Variants in DNAAF1 observed in about 807,000 individuals in gnomAD.
DNAAF1 encodes the protein dynein assembly factor 1, axonemal.
A neutral mutation model predicts 71.1 loss-of-function variants in DNAAF1; 65 were observed. The observed-to-expected ratio is 0.91, with a 90% CI of 0.75 to 1.12. The LOEUF is 1.12. Ranked by LOEUF, DNAAF1 falls within the 50% of genes most tolerant of loss-of-function variation. The pLI, the probability that DNAAF1 is intolerant of heterozygous loss-of-function variation, is 0.00. For missense variants in DNAAF1, 1,178 were observed against 899.8 expected, an observed-to-expected ratio of 1.31 and a Z score of -3.96; for synonymous variants, 414 against 354.6, an observed-to-expected ratio of 1.17 and a Z score of -1.88.
intron 1 of DNAAF1, among the ~76,000 whole-genome samples, chr16:84,147,046 C>A (rs540643010): frequency 6.6e-6 from 1 of 152,170 alleles, no homozygotes; most frequent in African/African-American, 2.4e-5. Flanking sequence ...AGCTGGCCAG[C>A]TTTATGGCTG....
At chr16:84,167,184 GTTA>G (rs2088058889) in intron 7 of DNAAF1, among the ~76,000 whole-genome samples, 1 of 152,092 alleles carries the variant, frequency 6.6e-6, no homozygotes, top group African/African-American at 2.4e-5. Context: ...TATTTTCTGG[GTTA>G]TTATATTAAT....
At chr16:84,172,130 G>A in intron 8 of DNAAF1, 130 bp from the exon 9 acceptor site, 2 of 828,130 alleles carry the variant, frequency 2.4e-6, no homozygotes, top group South Asian at 1.4e-5. Flanking sequence ...GCCCACCTTG[G>A]CCCCCCAAAG....
At chr16:84,175,698 A>C in intron 10 of DNAAF1, 1 of 561,614 alleles carries the variant, frequency 1.8e-6, no homozygotes, top group South Asian at 2.0e-5. Flanking sequence ...GGTGAGGAAT[A>C]GCCAGTGGCT....
At chr16:84,150,603 TTTTCTTTTC>T (rs1052811059) in intron 3 of DNAAF1, among the ~76,000 whole-genome samples, 7 of 150,830 alleles carry the variant, frequency 4.6e-5, no homozygotes, top group Non-Finnish European at 8.8e-5. Flanking sequence ...AGGAATTTTT[TTTTCTTTTC>T]TTTCTTTTTT....
chr16:84,150,866 A>C (rs2151211730), intron 3 of DNAAF1, among the ~76,000 whole-genome samples: 1 of 152,254 alleles, frequency 6.6e-6, no homozygotes, highest in African/African-American at 2.4e-5. Context: ...CAGCTGCCTC[A>C]GCCTCCCAAA....
chr16:84,145,885 C>A (rs1277461169), intron 1 of DNAAF1, among the ~76,000 whole-genome samples: 1 of 152,000 alleles, frequency 6.6e-6, no homozygotes, highest in Non-Finnish European at 1.5e-5. Context: ...TCAGGTCAGT[C>A]AGGAGTTCGA....
At chr16:84,166,390 T>G (rs35879461) in intron 7 of DNAAF1, among the ~76,000 whole-genome samples, 4 of 144,116 alleles carry the variant, frequency 2.8e-5, no homozygotes, top group African/African-American at 5.2e-5. Flanking sequence ...TTTTTTTTTT[T>G]GGTTGGGACA....
chr16:84,167,051 C>G (rs1302534824), intron 7 of DNAAF1, among the ~76,000 whole-genome samples: 1 of 152,186 alleles, frequency 6.6e-6, no homozygotes, highest in African/African-American at 2.4e-5. Context: ...CCAATGCCAA[C>G]CGCGAGTCTC....
rs932149217 is a variant in DNAAF1 at position 84,145,547 on chromosome 16, G to C, written c.107G>C (p.Arg36Pro). ...GCGGGTGACCACGGGAGCGCAGGCCGAGGGGGCTGCAAGGAAGGTGCCGAC... is the reference window on the plus strand; with the variant it reads ...GCGGGTGACCACGGGAGCGCAGGCCCAGGGGGCTGCAAGGAAGGTGCCGAC... ...ESAGDHGSAG[R>P]GGCKEEINDP... Residue 36 changes from arginine to proline, a missense_variant, in exon 1 of 12, where the codon CGA becomes CCA. By Grantham distance (103) the Arg-to-Pro change is moderately radical (BLOSUM62 -2). Transcript: ENST00000378553. 1.9e-6 allele frequency: 3 copies of C among 1,549,416 alleles called. No homozygotes were observed. Among genetic ancestry groups the C allele is most frequent in the Admixed American group, 3.9e-5 (2 of 51,002 alleles).
intron 1 of DNAAF1, among the ~76,000 whole-genome samples, chr16:84,146,111 ACAAACAAG>A (rs1158786349): frequency 1.3e-5 from 2 of 151,136 alleles, no homozygotes; most frequent in East Asian, 3.9e-4. Flanking sequence ...AAACAAACAA[ACAAACAAG>A]CAAACAAAAC....
chr16:84,165,540 A>G (rs1368999542), intron 6 of DNAAF1, among the ~76,000 whole-genome samples: 1 of 151,990 alleles, frequency 6.6e-6, no homozygotes, highest in Admixed American at 6.6e-5. Context: ...AAAATTTTTA[A>G]TTTTGATGGA....
intron 7 of DNAAF1, among the ~76,000 whole-genome samples, chr16:84,168,036 C>G (rs948347991): frequency 5.3e-5 from 8 of 151,522 alleles, no homozygotes; most frequent in African/African-American, 1.7e-4. Context: ...AAAAACCCCA[C>G]AAATCTGTTT....
intron 3 of DNAAF1, among the ~76,000 whole-genome samples, chr16:84,152,134 G>C (rs1447299184): frequency 6.6e-6 from 1 of 152,178 alleles, no homozygotes; most frequent in East Asian, 1.9e-4. Flanking sequence ...TAGGATCTTA[G>C]GGAGACTTTA....
intron 6 of DNAAF1, among the ~76,000 whole-genome samples, chr16:84,165,280 A>G (rs1231640842): frequency 6.6e-6 from 1 of 151,978 alleles, no homozygotes; most frequent in African/African-American, 2.4e-5. Context: ...AGGCTTATTT[A>G]TATTTTCCAG....
chr16:84,177,818 T>C lies in DNAAF1; in HGVS notation c.2155T>C (p.Phe719Leu), dbSNP rs201263027. The change falls in exon 12 of 12, where the codon TTC becomes CTC. Residue 719 changes from phenylalanine (F) to leucine (L), a missense_variant. Coordinates refer to ENST00000378553, the MANE Select transcript of DNAAF1 (RefSeq NM_178452.6). ...QALPTWDLTA[F>L]PAPKAS ...TCTGCCCACGTGGGACCTCACTGCA[T>C]TCCCAGCACCGAAAGCATCATAGTT... The C allele has an allele frequency of 6.4e-5, 103 of 1,613,742 alleles. No homozygotes were observed. The highest frequency in any genetic ancestry group is 8.3e-5 in the Non-Finnish European group (98 of 1,179,828).
rs1362310749 is a variant in DNAAF1, at chr16:84,155,616, C to T, written c.608C>T (p.Ala203Val). ...CLPVLNTLQM[A>V]HNHLETVEDI... ...CCAGTCCTGAACACATTGCAGATGGCCCACAATCACCTGGAGACCGTGGAG... is the reference window on the plus strand; with the variant it reads ...CCAGTCCTGAACACATTGCAGATGGTCCACAATCACCTGGAGACCGTGGAG... The change falls in exon 5 of 12, where the codon GCC (alanine) becomes GTC (valine). Residue 203 changes from alanine (A) to valine (V), a missense_variant. Ala to Val is a moderately conservative substitution (Grantham distance 64, BLOSUM62 0). Transcript: ENST00000378553. 6.2e-7 allele frequency: 1 copy of T among 1,614,018 alleles called. No homozygotes were observed. Among genetic ancestry groups the T allele is most frequent in the Admixed American group, 1.7e-5 (1 of 59,992 alleles).
intron 3 of DNAAF1, among the ~76,000 whole-genome samples, chr16:84,151,758 G>A (rs572253170): frequency 5.4e-4 from 82 of 152,294 alleles, no homozygotes; most frequent in Non-Finnish European, 1.1e-3. Flanking sequence ...TCACTCATTC[G>A]ATGGCTTGAC....
chr16:84,167,845 G>C (rs571022876), intron 7 of DNAAF1, among the ~76,000 whole-genome samples: 1 of 151,874 alleles, frequency 6.6e-6, no homozygotes. Flanking sequence ...GAGAAACCCC[G>C]TCTCTACTAA....
intron 6 of DNAAF1, 124 bp downstream of exon 6, chr16:84,159,920 G>A (rs1399736115): frequency 3.7e-6 from 4 of 1,093,058 alleles, no homozygotes; most frequent in Admixed American, 4.1e-5. Context: ...TTTGGAAATA[G>A]GCTTGATGGC....
Sources: gnomAD v4.1 joint callset for allele counts (sites outside exome capture counted in the v4.1 genomes callset) on GRCh38, gnomAD v4.1.1 for gene constraint, MANE v1.5 for transcripts, NCBI Gene and HGNC (gene_info 2026-07-23, HGNC 2026-07-21) for gene names.